Variants in DPP6 observed in about 807,000 individuals in gnomAD.
The protein encoded by DPP6 is dipeptidyl peptidase like 6, also known as A-type potassium channel modulatory protein DPP6.
DPP6 carries 69 observed loss-of-function variants against 122.6 expected under a neutral mutation model. The ratio of observed to expected loss-of-function variants is 0.56; its 90% CI spans 0.46 to 0.69. The LOEUF is 0.69. Among genes scored for constraint, DPP6 ranks in the 30% least tolerant of loss-of-function variants. The pLI is 0.00. For synonymous variants in DPP6, 418 were observed against 433.1 expected, an observed-to-expected ratio of 0.97 and a Z score of 0.43; for missense variants, 928 against 1,116.9, an observed-to-expected ratio of 0.83 and a Z score of 2.41.
At chr7:154,045,201 T>A (rs372877234) in intron 1 of DPP6, among the ~76,000 whole-genome samples, 19 of 141,342 alleles carry the variant, frequency 1.3e-4, no homozygotes, top group Non-Finnish European at 1.7e-4. Flanking sequence ...TTAGAAAAGA[T>A]AAAAAAAAAA....
At chr7:154,828,844 T>C (rs143198089) in intron 16 of DPP6, among the ~76,000 whole-genome samples, 60 of 152,328 alleles carry the variant, frequency 3.9e-4, no homozygotes, top group African/African-American at 1.4e-3. Context: ...CATACTGACT[T>C]TTGTTTCAGA....
At chr7:154,205,089 A>G (rs1329817658) in intron 1 of DPP6, among the ~76,000 whole-genome samples, 1 of 151,414 alleles carries the variant, frequency 6.6e-6, no homozygotes, top group Non-Finnish European at 1.5e-5. Context: ...ATTTCTCTCT[A>G]AGTGCTTCTT....
Position 154,104,208 on chromosome 7 carries a change from C to T in DPP6, c.243+51145C>T, listed in dbSNP as rs151063140. 7.5e-3 allele frequency among the ~76,000 whole-genome samples: 1,147 copies of T among 152,314 alleles called. 24 individuals are homozygous for T. Among genetic ancestry groups the T allele is most frequent in the African/African-American group, 0.027 (1,104 of 41,562 alleles). ...TCGCAGTCTCCTCCATGTGGAGATGCGTCACCTGTAGCTGATGGATAATCA... is the reference window on the plus strand; with the variant it reads ...TCGCAGTCTCCTCCATGTGGAGATGTGTCACCTGTAGCTGATGGATAATCA... On this transcript the variant is annotated intron_variant, in intron 1 of 25. Transcript: ENST00000377770.
chr7:154,832,638 GGGCCT>G (rs1391743663), intron 16 of DPP6, among the ~76,000 whole-genome samples: 2 of 152,200 alleles, frequency 1.3e-5, no homozygotes, highest in Non-Finnish European at 2.9e-5. Flanking sequence ...GCACACCCCA[GGGCCT>G]GTGAACAGCG....
At chr7:154,687,499 T>C (rs911643606) in intron 7 of DPP6, among the ~76,000 whole-genome samples, 2 of 152,240 alleles carry the variant, frequency 1.3e-5, no homozygotes, top group African/African-American at 2.4e-5. Flanking sequence ...TCACAACTTC[T>C]GTAAAACACT....
intron 1 of DPP6, among the ~76,000 whole-genome samples, chr7:154,208,438 A>T (rs1437399321): frequency 6.6e-6 from 1 of 152,256 alleles, no homozygotes; most frequent in East Asian, 1.9e-4. Context: ...CGCAAGGCCC[A>T]GACACCCCGC....
At chr7:154,569,846 C>T (rs1831001350) in intron 5 of DPP6, among the ~76,000 whole-genome samples, 1 of 151,760 alleles carries the variant, frequency 6.6e-6, no homozygotes. Context: ...GTCAAATAAT[C>T]ATAGGTTCAA....
At chr7:154,810,598 G>T (rs2150474131) in intron 16 of DPP6, among the ~76,000 whole-genome samples, 1 of 152,320 alleles carries the variant, frequency 6.6e-6, no homozygotes, top group Admixed American at 6.5e-5. Context: ...TGACTCCATA[G>T]TTGATACCTG....
intron 1 of DPP6, among the ~76,000 whole-genome samples, chr7:154,060,031 C>T (rs1405430224): frequency 3.3e-3 from 491 of 150,896 alleles, no homozygotes; most frequent in Non-Finnish European, 4.5e-3. Flanking sequence ...GCACCCCCCG[C>T]GAGGCGGGGA....
At chr7:154,582,859 C>A (rs1476508555) in intron 5 of DPP6, among the ~76,000 whole-genome samples, 1 of 152,176 alleles carries the variant, frequency 6.6e-6, no homozygotes, top group African/African-American at 2.4e-5. Flanking sequence ...CTCAGCCACC[C>A]AGCCCCTGGG....
chr7:154,546,948 C>T (rs776761365), intron 4 of DPP6, among the ~76,000 whole-genome samples: 2 of 152,180 alleles, frequency 1.3e-5, no homozygotes, highest in African/African-American at 4.8e-5. Context: ...GTGCTTTATG[C>T]GCTAGTCCTC....
intron 1 of DPP6, among the ~76,000 whole-genome samples, chr7:154,387,349 A>G (rs1814209771): frequency 6.6e-6 from 1 of 152,218 alleles, no homozygotes; most frequent in Admixed American, 6.5e-5. Flanking sequence ...AGTCATGTCC[A>G]TAAATTCAAA....
In DPP6 at chr7:154,661,929, A is replaced by G. The variant is rs563560752; in HGVS notation, c.681-7431A>G. Among the ~76,000 whole-genome samples, 827 of 150,818 alleles carry G rather than the reference A, an allele frequency of 5.5e-3. 5 individuals are homozygous for G. The highest frequency in any genetic ancestry group is 0.019 in the African/African-American group (775 of 40,806). On this transcript the variant is annotated intron_variant, in intron 6 of 25. Coordinates refer to ENST00000377770, the MANE Select transcript of DPP6 (RefSeq NM_130797.4). ...GTTCACGCAGTCATGGTGAATCACC[A>G]TGGCGTATTGGCGGTAGTGTTCATA...
chr7:154,448,225 A>C (rs1212645922), intron 2 of DPP6, among the ~76,000 whole-genome samples: 5 of 152,212 alleles, frequency 3.3e-5, no homozygotes, highest in Non-Finnish European at 5.9e-5. Flanking sequence ...AAATGAGTTC[A>C]GCAGGAAGGA....
At chr7:153,894,038 G>A (rs1472522909) in intron 1 of DPP6, among the ~76,000 whole-genome samples, 2 of 152,098 alleles carry the variant, frequency 1.3e-5, no homozygotes, top group African/African-American at 4.8e-5. Context: ...CTTGGAGCAG[G>A]TGCTATGTGT....
intron 4 of DPP6, among the ~76,000 whole-genome samples, chr7:154,564,026 G>C (rs1393540759): frequency 1.3e-5 from 2 of 152,142 alleles, no homozygotes; most frequent in Non-Finnish European, 2.9e-5. Context: ...GCACAAAATA[G>C]CATGAAAAGA....
chr7:154,441,426 C>T (rs975287128), intron 1 of DPP6, among the ~76,000 whole-genome samples: 1 of 152,196 alleles, frequency 6.6e-6, no homozygotes, highest in Non-Finnish European at 1.5e-5. Context: ...AATACATTTA[C>T]ATTTAATCCT....
intron 10 of DPP6, among the ~76,000 whole-genome samples, chr7:154,778,073 C>T (rs111463357): frequency 0.01 from 1,528 of 152,234 alleles, 15 homozygotes; most frequent in African/African-American, 0.035. Flanking sequence ...GCACTTATGT[C>T]GAATGCTTAG....
intron 1 of DPP6, among the ~76,000 whole-genome samples, chr7:153,936,314 G>A (rs186566997): frequency 6.6e-6 from 1 of 152,296 alleles, no homozygotes; most frequent in East Asian, 1.9e-4. Flanking sequence ...CCTGTCAGGA[G>A]CTGAGGAACT....
Sources: allele counts gnomAD v4.1 joint callset (sites outside exome capture counted in the v4.1 genomes callset), GRCh38; gene constraint gnomAD v4.1.1; transcripts MANE v1.5; gene names NCBI Gene and HGNC (gene_info 2026-07-23, HGNC 2026-07-21).